RGL1: variants seen among roughly 807,000 people sequenced by gnomAD.
RGL1 encodes ral guanine nucleotide dissociation stimulator-like 1.
RGL1 carries 24 observed loss-of-function variants against 95.2 expected under a neutral mutation model. The ratio of observed to expected loss-of-function variants is 0.25; its 90% CI spans 0.18 to 0.35. The LOEUF is 0.35. Ranked by LOEUF, RGL1 falls within the 10% of genes least tolerant of loss-of-function variation. RGL1 has a pLI of 1.00. For missense variants in RGL1, 715 were observed against 936.3 expected (o/e 0.76, Z 3.08); for synonymous variants, 329 against 344.9 (o/e 0.95, Z 0.51).
At chr1:183,837,902 C>G (rs1166670050) in intron 2 of RGL1, among the ~76,000 whole-genome samples, 1 of 152,174 alleles carries the variant, frequency 6.6e-6, no homozygotes, top group Non-Finnish European at 1.5e-5. Flanking sequence ...AGGCTTGGCG[C>G]TCCTATGAGA....
chr1:183,883,653 T>G, intron 5 of RGL1, 133 bp from the exon 6 acceptor site: 2 of 862,654 alleles, frequency 2.3e-6, no homozygotes, highest in Non-Finnish European at 3.7e-6. Context: ...GCATTGTGCT[T>G]GTGGTTGTCT....
intron 2 of RGL1, among the ~76,000 whole-genome samples, chr1:183,746,626 T>A (rs1657648913): frequency 1.5e-5 from 1 of 66,990 alleles, no homozygotes; most frequent in Non-Finnish European, 5.3e-5. Flanking sequence ...ACATGTATTT[T>A]TTTTTTTTTT....
At chr1:183,670,325 C>T (rs1652354329) in intron 1 of RGL1, among the ~76,000 whole-genome samples, 1 of 152,178 alleles carries the variant, frequency 6.6e-6, no homozygotes, top group South Asian at 2.1e-4. Flanking sequence ...ATAGTTTCTT[C>T]TGAGGCCAGG....
intron 1 of RGL1, among the ~76,000 whole-genome samples, 194 bp from the exon 2 acceptor site, chr1:183,806,181 G>C (rs1454931449): frequency 6.6e-6 from 1 of 151,534 alleles, no homozygotes; most frequent in Non-Finnish European, 1.5e-5. Context: ...CCACAGGAAG[G>C]GACTGCAAGC....
At chr1:183,640,634 T>C (rs1385310931) in intron 1 of RGL1, among the ~76,000 whole-genome samples, 1 of 152,222 alleles carries the variant, frequency 6.6e-6, no homozygotes, top group Admixed American at 6.5e-5. Context: ...CTATGGACTT[T>C]AAAACATATT....
At chr1:183,872,488 A>G (rs1257042970) in intron 4 of RGL1, among the ~76,000 whole-genome samples, 1 of 152,176 alleles carries the variant, frequency 6.6e-6, no homozygotes, top group Non-Finnish European at 1.5e-5. Flanking sequence ...CAAACTCTCT[A>G]CCATAGTACT....
At chr1:183,647,986 C>T in intron 1 of RGL1, 1 of 1,614,186 alleles carries the variant, frequency 6.2e-7, no homozygotes, top group Non-Finnish European at 8.5e-7. Context: ...CCAGGAAAGG[C>T]ATTGTTTAAG....
intron 1 of RGL1, among the ~76,000 whole-genome samples, chr1:183,643,140 A>G (rs1033147080): frequency 2.0e-5 from 3 of 152,206 alleles, no homozygotes; most frequent in Non-Finnish European, 4.4e-5. Context: ...TTGTATGTAT[A>G]TACCACATTG....
chr1:183,752,692 C>CTCTCTCTT (rs1391613490), intron 2 of RGL1, among the ~76,000 whole-genome samples: 6 of 147,638 alleles, frequency 4.1e-5, no homozygotes, highest in African/African-American at 1.5e-4. Flanking sequence ...CTCTCTCTCT[C>CTCTCTCTT]TCTCTCTCTC....
intron 1 of RGL1, among the ~76,000 whole-genome samples, chr1:183,637,417 A>G (rs1332922971): frequency 3.9e-5 from 6 of 152,256 alleles, no homozygotes; most frequent in Non-Finnish European, 8.8e-5. Context: ...GAAATGTGAA[A>G]GACCGTACAG....
At chr1:183,678,726 T>C (rs182977084) in intron 1 of RGL1, among the ~76,000 whole-genome samples, 179 of 152,174 alleles carry the variant, frequency 1.2e-3, no homozygotes, top group African/African-American at 4.0e-3. Flanking sequence ...AAAAAAGTTG[T>C]GATGTTTGAA....
chr1:183,749,297 G>A (rs1657848094), intron 2 of RGL1, among the ~76,000 whole-genome samples: 1 of 152,118 alleles, frequency 6.6e-6, no homozygotes, highest in East Asian at 1.9e-4. Flanking sequence ...ATGAATCTGG[G>A]TGCTCCTACA....
upstream of RGL1, among the ~76,000 whole-genome samples, chr1:183,804,398 C>T (rs972257113): frequency 1.3e-5 from 2 of 152,168 alleles, no homozygotes; most frequent in African/African-American, 4.8e-5. Flanking sequence ...GCAGATCTTT[C>T]CATTATGATA....
At chr1:183,910,086 TTTCCTTCC>T (rs945304236) in intron 14 of RGL1, among the ~76,000 whole-genome samples, 1 of 152,102 alleles carries the variant, frequency 6.6e-6, no homozygotes, top group Non-Finnish European at 1.5e-5. Flanking sequence ...TTCTTTCTTC[TTTCCTTCC>T]TTCCTTCCTT....
chr1:183,888,130 T>C (rs747905687), intron 7 of RGL1, among the ~76,000 whole-genome samples: 2 of 152,182 alleles, frequency 1.3e-5, no homozygotes, highest in Non-Finnish European at 2.9e-5. Context: ...TTTTAGGACA[T>C]CTGTGTGCTT....
At chr1:183,766,220 C>T (rs2102318065) in intron 2 of RGL1, among the ~76,000 whole-genome samples, 1 of 152,230 alleles carries the variant, frequency 6.6e-6, no homozygotes, top group Middle Eastern at 3.4e-3. Context: ...GCCTGGCTAA[C>T]ATGGTTACCA....
intron 1 of RGL1, among the ~76,000 whole-genome samples, chr1:183,665,047 T>C (rs1651935688): frequency 1.3e-5 from 2 of 152,170 alleles, no homozygotes; most frequent in South Asian, 4.1e-4. Context: ...AGAAATTTCC[T>C]GTCTATTCCT....
intron 2 of RGL1, among the ~76,000 whole-genome samples, chr1:183,777,097 A>C (rs1434555567): frequency 6.6e-6 from 1 of 152,230 alleles, no homozygotes; most frequent in Non-Finnish European, 1.5e-5. Context: ...AAAGTGTATC[A>C]GTTCTGCCTA....
At chr1:183,682,839 A>C (rs1016365276) in intron 1 of RGL1, among the ~76,000 whole-genome samples, 1 of 152,084 alleles carries the variant, frequency 6.6e-6, no homozygotes, top group African/African-American at 2.4e-5. Context: ...TTTCTTTATA[A>C]ATCTAGGTGC....
Sources: gnomAD v4.1 joint callset for allele counts (sites outside exome capture counted in the v4.1 genomes callset) on GRCh38, gnomAD v4.1.1 for gene constraint, MANE v1.5 for transcripts, NCBI Gene and HGNC (gene_info 2026-07-23, HGNC 2026-07-21) for gene names.